USH2A: variants seen among roughly 807,000 people sequenced by gnomAD.
USH2A encodes usherin.
Under a neutral mutation model 538.9 loss-of-function variants are expected in USH2A, and 443 were observed. The observed-to-expected ratio is 0.82, with a 90% CI of 0.76 to 0.89. The LOEUF (loss-of-function observed/expected upper bound fraction) is 0.89. Ranked by LOEUF, USH2A falls within the 40% of genes least tolerant of loss-of-function variation. The pLI, the probability that USH2A is intolerant of heterozygous loss-of-function variation, is 0.00. For missense variants in USH2A, 6,633 were observed against 6,324.8 expected (o/e 1.05, Z -1.65); for synonymous variants, 2,413 against 2,273.5 (o/e 1.06, Z -1.75).
Position 215,888,639 on chromosome 1 carries a change from A to G in USH2A, c.8010T>C (p.Thr2670=), listed in dbSNP as rs1336722567. 11 of 1,614,064 alleles carry G rather than the reference A, an allele frequency of 6.8e-6. No homozygotes were observed. Among genetic ancestry groups the G allele is most frequent in the African/African-American group, 1.3e-5 (1 of 74,940 alleles). The change falls in exon 41 of 72, where the codon ACT becomes ACC. Residue 2670 remains threonine, a synonymous_variant. Transcript: ENST00000307340. ...GACTCCTCGGGAGAGTCACCAGGGTAGTAACTTCTTCCTTTCCTTTGACTC... is the reference window on the plus strand; with the variant it reads ...GACTCCTCGGGAGAGTCACCAGGGTGGTAACTTCTTCCTTTCCTTTGACTC... The part of the protein sequence containing the change: ...ERRVKGKEEV[T]TLVTLPRSHS...
At chr1:215,825,349 C>G (rs902429764) in intron 47 of USH2A, among the ~76,000 whole-genome samples, 24 of 152,058 alleles carry the variant, frequency 1.6e-4, no homozygotes, top group African/African-American at 5.3e-4. Context: ...CTCCCCAGAT[C>G]TCATCACTTC....
intron 3 of USH2A, among the ~76,000 whole-genome samples, chr1:216,391,676 A>C (rs970565823): frequency 1.3e-5 from 2 of 152,312 alleles, no homozygotes; most frequent in Middle Eastern, 3.4e-3. Flanking sequence ...TGCCTTGCAG[A>C]TATTTCTTGA....
chr1:215,814,808 A>C (rs1209924178), intron 48 of USH2A, among the ~76,000 whole-genome samples: 2 of 152,120 alleles, frequency 1.3e-5, no homozygotes, highest in Non-Finnish European at 1.5e-5. Flanking sequence ...GAACTAAGAC[A>C]CCTGGGAACA....
intron 20 of USH2A, among the ~76,000 whole-genome samples, chr1:216,189,554 G>T (rs1299528933): frequency 6.6e-6 from 1 of 151,938 alleles, no homozygotes; most frequent in African/African-American, 2.4e-5. Flanking sequence ...AATCCAGTTA[G>T]TCCTGAATGA....
intron 21 of USH2A, among the ~76,000 whole-genome samples, chr1:216,112,202 A>G (rs962238619): frequency 6.6e-6 from 1 of 152,148 alleles, no homozygotes; most frequent in Non-Finnish European, 1.5e-5. Context: ...CATTCCTTAG[A>G]ATACCAAAGT....
At chr1:216,160,859 G>A (rs2034044308) in intron 21 of USH2A, among the ~76,000 whole-genome samples, 1 of 151,940 alleles carries the variant, frequency 6.6e-6, no homozygotes, top group Non-Finnish European at 1.5e-5. Context: ...CTTCAACTAT[G>A]AGGATATATT....
At chr1:215,937,187 A>C (rs1241782971) in intron 37 of USH2A, among the ~76,000 whole-genome samples, 1 of 152,120 alleles carries the variant, frequency 6.6e-6, no homozygotes, top group Non-Finnish European at 1.5e-5. Context: ...ATTTCTATTC[A>C]CTTTCAGTAA....
At chr1:215,628,730 G>A (rs1656149093) in intron 71 of USH2A, 84 bp downstream of exon 71, 3 of 1,431,028 alleles carry the variant, frequency 2.1e-6, no homozygotes, top group Non-Finnish European at 3.0e-6. Flanking sequence ...CCATGGGGCA[G>A]CATTCGGTGA....
chr1:215,771,397 G>A (rs1202396325), intron 55 of USH2A, among the ~76,000 whole-genome samples: 2 of 150,104 alleles, frequency 1.3e-5, no homozygotes, highest in Admixed American at 6.6e-5. Flanking sequence ...CGGCTAAAAC[G>A]GTGAAACCCC....
At chr1:215,983,657 C>T (rs538011905) in intron 35 of USH2A, among the ~76,000 whole-genome samples, 6 of 152,214 alleles carry the variant, frequency 3.9e-5, no homozygotes, top group South Asian at 2.1e-4. Context: ...AACACCTCTC[C>T]GTGTTAAATG....
intron 64 of USH2A, among the ~76,000 whole-genome samples, chr1:215,668,805 C>T (rs555143760): frequency 3.9e-5 from 6 of 152,148 alleles, no homozygotes; most frequent in Non-Finnish European, 7.3e-5. Context: ...TCAAGGCAGG[C>T]TGATCACTTG....
chr1:215,993,093 C>A lies in USH2A; in HGVS notation c.6732G>T (p.Val2244=), dbSNP rs1668039245. Residue 2244 remains valine, a synonymous_variant, in exon 35 of 72, where the codon GTG becomes GTT. Transcript: ENST00000307340. ...ALTDEDIPEG[V]PAPKAHSYSP... is the part of the protein sequence containing the mutation. ...AATATGAGTGGGCTTTGGGGGCTGG[C>A]ACGCCTTCGGGTATGTCCTCGTCAG... The A allele has an allele frequency of 6.2e-7, 1 of 1,613,932 alleles. No individual in the cohort carries two copies. The highest frequency in any genetic ancestry group is 1.1e-5 in the South Asian group (1 of 91,086).
chr1:215,987,751 A>G (rs1667905686), intron 35 of USH2A, among the ~76,000 whole-genome samples: 1 of 152,176 alleles, frequency 6.6e-6, no homozygotes, highest in South Asian at 2.1e-4. Flanking sequence ...CTGTAGTTTC[A>G]TTCAGTGGGA....
intron 21 of USH2A, among the ~76,000 whole-genome samples, chr1:216,156,656 AG>A (rs2033949320): frequency 1.3e-5 from 2 of 152,110 alleles, no homozygotes; most frequent in Non-Finnish European, 2.9e-5. Flanking sequence ...TTCACTTTGC[AG>A]CTTTAGAAAT....
At chr1:215,678,344 T>G (rs555075026) in intron 62 of USH2A, among the ~76,000 whole-genome samples, 206 of 152,332 alleles carry the variant, frequency 1.4e-3, no homozygotes, top group Non-Finnish European at 2.2e-3. Context: ...CTCCAACCTC[T>G]TCTAGTGCCA....
intron 22 of USH2A, among the ~76,000 whole-genome samples, chr1:216,093,800 T>C (rs2032365302): frequency 1.3e-5 from 2 of 152,220 alleles, no homozygotes; most frequent in Non-Finnish European, 2.9e-5. Context: ...CATTTCTGTG[T>C]TCCCAGTGCA....
intron 38 of USH2A, among the ~76,000 whole-genome samples, chr1:215,921,387 C>T (rs930219026): frequency 1.3e-5 from 2 of 151,842 alleles, no homozygotes; most frequent in African/African-American, 4.8e-5. Flanking sequence ...CATGTTTTAC[C>T]TACATTTTTT....
At chr1:215,996,569 T>C (rs1441989957) in intron 34 of USH2A, among the ~76,000 whole-genome samples, 3 of 91,400 alleles carry the variant, frequency 3.3e-5, no homozygotes, top group African/African-American at 1.1e-4. Flanking sequence ...TGTTTTTTTT[T>C]TTTTTTTTTT....
At chr1:216,077,899 G>A (rs2031805701) in intron 27 of USH2A, among the ~76,000 whole-genome samples, 190 bp downstream of exon 27, 1 of 151,880 alleles carries the variant, frequency 6.6e-6, no homozygotes, top group Non-Finnish European at 1.5e-5. Flanking sequence ...ACATTGTTAA[G>A]GGTAACACAC....
Sources: allele counts gnomAD v4.1 joint callset (sites outside exome capture counted in the v4.1 genomes callset), GRCh38; gene constraint gnomAD v4.1.1; transcripts MANE v1.5; gene names NCBI Gene and HGNC (gene_info 2026-07-23, HGNC 2026-07-21).